MREG: variants seen among roughly 807,000 people sequenced by gnomAD.
The protein encoded by MREG is dilute suppressor protein homolog.
Under a neutral mutation model 28.5 loss-of-function variants are expected in MREG, and 31 were observed. That is an observed-to-expected ratio of 1.09 (90% CI 0.82 to 1.47). MREG has a LOEUF of 1.47. Among genes scored for constraint, MREG ranks in the 40% most tolerant of loss-of-function variants. The pLI, the probability that MREG is intolerant of heterozygous loss-of-function variation, is 0.00. For missense variants in MREG, 256 were observed against 257.4 expected (o/e 0.99, Z 0.04); for synonymous variants, 106 against 95.2 (o/e 1.11, Z -0.66).
intron 2 of MREG, among the ~76,000 whole-genome samples, chr2:215,961,307 C>A (rs1301615966): frequency 6.6e-6 from 1 of 152,192 alleles, no homozygotes; most frequent in African/African-American, 2.4e-5. Flanking sequence ...GAAAATGAGC[C>A]TTTTTGGCTG....
At chr2:215,999,367 C>T (rs761092673) in intron 1 of MREG, among the ~76,000 whole-genome samples, 38 of 152,218 alleles carry the variant, frequency 2.5e-4, no homozygotes, top group Admixed American at 4.6e-4. Flanking sequence ...AACTGTCACA[C>T]GGGAGTAGGT....
At chr2:215,987,135 G>T (rs1229939025) in intron 2 of MREG, among the ~76,000 whole-genome samples, 2 of 152,092 alleles carry the variant, frequency 1.3e-5, no homozygotes, top group Non-Finnish European at 2.9e-5. Context: ...TATTAAAATG[G>T]AAATATGTCC....
At chr2:216,008,322 GA>G (rs1390350461) in intron 1 of MREG, among the ~76,000 whole-genome samples, 1 of 152,116 alleles carries the variant, frequency 6.6e-6, no homozygotes, top group African/African-American at 2.4e-5. Context: ...GGCCATTCAG[GA>G]AAATTCAATT....
Position 215,943,671 on chromosome 2 carries a change from C to G in MREG, c.*1192G>C, listed in dbSNP as rs993464815. 2 of 353,326 alleles carry G rather than the reference C, an allele frequency of 5.7e-6. No individual in the cohort carries two copies. The highest frequency in any genetic ancestry group is 1.1e-5 in the Non-Finnish European group (2 of 179,080). 21.9% of individuals were successfully genotyped at this position (353,326 alleles called of 1,614,324 possible). A position where few individuals can be genotyped will look rare whatever the true frequency, so the allele number is the denominator to read the frequency against. On this transcript the variant is annotated 3_prime_UTR_variant, in exon 5 of 5. Transcript: ENST00000263268. ...CGTGGCTAACATGGTGAAACCCCGT[C>G]TCTACTAAAAATACAAAAAATTAGC...
Position 215,995,299 on chromosome 2 carries a change from G to A in MREG, c.255+1007C>T, listed in dbSNP as rs527709517. The stretch of plus-strand genomic sequence containing the variant: ...GGCCTCAAGAGCAGAGGCAACTGCC[G>A]GCCCTTCCCCCATCCTGTGATCCAC... On this transcript the variant is annotated intron_variant, in intron 2 of 4. Transcript: ENST00000263268. Among the ~76,000 whole-genome samples the A allele has an allele frequency of 9.2e-5, 14 of 152,220 alleles. 1 individual carries two copies. The highest frequency in any genetic ancestry group is 2.6e-4 in the African/African-American group (11 of 41,534).
At chr2:216,001,614 C>T (rs1410763050) in intron 1 of MREG, among the ~76,000 whole-genome samples, 2 of 152,312 alleles carry the variant, frequency 1.3e-5, no homozygotes, top group Non-Finnish European at 2.9e-5. Flanking sequence ...AGGTGGGGTG[C>T]CACTGTTAAA....
chr2:215,999,766 A>G lies in MREG; in HGVS notation c.96-3301T>C, dbSNP rs144643960. Among the ~76,000 whole-genome samples, 585 of 152,296 alleles carry G rather than the reference A, an allele frequency of 3.8e-3. 12 individuals are homozygous for G. The Middle Eastern group carries it at 0.061, about 16-fold the overall frequency. On this transcript the variant is annotated intron_variant, in intron 1 of 4. Coordinates refer to ENST00000263268, the MANE Select transcript of MREG (RefSeq NM_018000.3). The stretch of plus-strand genomic sequence containing the variant: ...AGGCACAGAGGTACCAGCGAAGGTG[A>G]CGCCTTCAACTGTAACACATGGGGC...
intron 2 of MREG, among the ~76,000 whole-genome samples, chr2:215,950,898 G>T (rs1692464006): frequency 6.6e-6 from 1 of 152,110 alleles, no homozygotes. Flanking sequence ...TCATAGAGGT[G>T]GTTTCTAATG....
chr2:216,007,809 T>G (rs534289344), intron 1 of MREG, among the ~76,000 whole-genome samples: 16 of 152,008 alleles, frequency 1.1e-4, no homozygotes, highest in Admixed American at 2.6e-4. Context: ...CAAAGTGTAG[T>G]GCTGAAGTGC....
intron 2 of MREG, among the ~76,000 whole-genome samples, chr2:215,970,728 G>A (rs1184732944): frequency 6.6e-6 from 1 of 152,208 alleles, no homozygotes; most frequent in Non-Finnish European, 1.5e-5. Context: ...AATGCCACAG[G>A]CTTGTAAAGC....
chr2:215,955,570 G>A (rs1409691392), intron 2 of MREG, among the ~76,000 whole-genome samples: 1 of 152,196 alleles, frequency 6.6e-6, no homozygotes, highest in Non-Finnish European at 1.5e-5. Flanking sequence ...CTTGGAAGTG[G>A]CAGCTTCTTG....
intron 2 of MREG, among the ~76,000 whole-genome samples, chr2:215,989,958 T>G (rs1376112530): frequency 6.6e-6 from 1 of 152,056 alleles, no homozygotes; most frequent in Non-Finnish European, 1.5e-5. Context: ...TGGAACCAAG[T>G]TGGAAAACAC....
chr2:216,013,241 G>A lies in MREG; in HGVS notation c.87C>T (p.Pro29=), dbSNP rs1261803272. Residue 29 remains proline (P), a synonymous_variant, in exon 1 of 5, where the codon CCC becomes CCT. Transcript: ENST00000263268. ...CCGGGCGGCGCACCCACCTGACGAG[G>A]GGCTCCTTCTCAGGCAGGGCGCGCT... ...LEERALPEKE[P]LVSDNNPYSS... 1.3e-6 allele frequency: 2 copies of A among 1,549,404 alleles called. No homozygotes were observed. Among genetic ancestry groups the A allele is most frequent in the Admixed American group, 3.9e-5 (2 of 50,976 alleles).
At chr2:215,988,868 T>C (rs1355717576) in intron 2 of MREG, among the ~76,000 whole-genome samples, 11 of 152,112 alleles carry the variant, frequency 7.2e-5, no homozygotes, top group Admixed American at 6.5e-4. Context: ...GCAGGGCATA[T>C]CAGAAAGAAA....
chr2:216,012,096 T>C (rs1461583549), intron 1 of MREG, among the ~76,000 whole-genome samples: 1 of 152,152 alleles, frequency 6.6e-6, no homozygotes, highest in African/African-American at 2.4e-5. Context: ...AATTTCTAAG[T>C]ACTACATCCT....
At chr2:216,021,383 C>T (rs951535185) in intron 1 of MREG, among the ~76,000 whole-genome samples, 8 of 152,138 alleles carry the variant, frequency 5.3e-5, no homozygotes, top group African/African-American at 1.7e-4. Context: ...CCACTGTACC[C>T]GGCTAAATCT....
intron 2 of MREG, among the ~76,000 whole-genome samples, chr2:215,985,752 A>G (rs1693552569): frequency 6.6e-6 from 1 of 152,208 alleles, no homozygotes; most frequent in South Asian, 2.1e-4. Context: ...AATTCCAAAT[A>G]TGGACATTCC....
intron 2 of MREG, among the ~76,000 whole-genome samples, chr2:215,948,377 A>ATG (rs1333240257): frequency 6.6e-6 from 1 of 152,244 alleles, no homozygotes; most frequent in Non-Finnish European, 1.5e-5. Flanking sequence ...GCAAGTTTGA[A>ATG]CAATTTCTCC....
At chr2:215,980,903 G>T (rs1477485228) in intron 2 of MREG, among the ~76,000 whole-genome samples, 1 of 150,044 alleles carries the variant, frequency 6.7e-6, no homozygotes, top group Non-Finnish European at 1.5e-5. Context: ...GGCAGGGCAG[G>T]GAAGGGCAGG....
Sources: allele counts gnomAD v4.1 joint callset (sites outside exome capture counted in the v4.1 genomes callset), GRCh38; gene constraint gnomAD v4.1.1; transcripts MANE v1.5; gene names NCBI Gene and HGNC (gene_info 2026-07-23, HGNC 2026-07-21).